Variants in TDRD9 observed in about 807,000 individuals in gnomAD.
TDRD9 encodes ATP-dependent RNA helicase TDRD9.
A neutral mutation model predicts 172.6 loss-of-function variants in TDRD9; 124 were observed. That is an observed-to-expected ratio of 0.72 (90% CI 0.62 to 0.83). The LOEUF is 0.83. TDRD9 is among the 40% of genes least tolerant of loss of function. The pLI is 0.00. For synonymous variants in TDRD9, 619 were observed against 617.1 expected (o/e 1.00, Z -0.05); for missense variants, 1,479 against 1,714.1 (o/e 0.86, Z 2.42).
chr14:103,952,896 C>T (rs1321030741), intron 1 of TDRD9, among the ~76,000 whole-genome samples: 3 of 151,778 alleles, frequency 2.0e-5, no homozygotes, highest in Admixed American at 1.3e-4. Context: ...CTCGCCACCA[C>T]GTTGGGCTAA....
intron 7 of TDRD9, among the ~76,000 whole-genome samples, chr14:103,982,288 C>T (rs1008098590): frequency 2.6e-5 from 4 of 152,182 alleles, no homozygotes; most frequent in African/African-American, 9.7e-5. Flanking sequence ...CCAGCCGTTG[C>T]TGGCCTGTGG....
chr14:104,002,151 C>A (rs1343376579), intron 13 of TDRD9, among the ~76,000 whole-genome samples: 1 of 151,298 alleles, frequency 6.6e-6, no homozygotes, highest in Non-Finnish European at 1.5e-5. Flanking sequence ...AAAACCCTAT[C>A]TCTATAAAAA....
rs143316420 is a variant in TDRD9 at position 103,935,698 on chromosome 14, T to C, written c.215+6974T>C. Reference sequence around the variant, plus strand: ...CCCACCTGGGGTGCTTCAGTGTTTATAGGTGGATGAGTTGCAGTGAGAAAA... The same window carrying C: ...CCCACCTGGGGTGCTTCAGTGTTTACAGGTGGATGAGTTGCAGTGAGAAAA... On this transcript the variant is annotated intron_variant, in intron 1 of 35. Transcript: ENST00000409874. Among the ~76,000 whole-genome samples, 255 of 152,172 alleles carry C rather than the reference T, an allele frequency of 1.7e-3. 2 individuals are homozygous for C. The highest frequency in any genetic ancestry group is 6.0e-3 in the African/African-American group (249 of 41,480).
intron 34 of TDRD9, among the ~76,000 whole-genome samples, chr14:104,048,812 A>G (rs1035087713): frequency 3.3e-5 from 5 of 152,228 alleles, no homozygotes; most frequent in Non-Finnish European, 7.4e-5. Flanking sequence ...GGCTTTCCCC[A>G]TCTGTTTCCT....
chr14:103,952,007 A>G (rs2031899401), intron 1 of TDRD9, among the ~76,000 whole-genome samples: 2 of 150,032 alleles, frequency 1.3e-5, no homozygotes, highest in African/African-American at 2.4e-5. Flanking sequence ...TGACCTTGTG[A>G]TCCGCCCGCC....
At chr14:104,010,505 TCTC>T (rs2034579787) in intron 20 of TDRD9, among the ~76,000 whole-genome samples, 2 of 151,880 alleles carry the variant, frequency 1.3e-5, no homozygotes, top group African/African-American at 4.8e-5. Context: ...AATAGTGCCT[TCTC>T]CTGGATACCT....
At chr14:104,006,252 T>G in intron 15 of TDRD9, 137 bp from the exon 16 acceptor site, 1 of 684,858 alleles carries the variant, frequency 1.5e-6, no homozygotes, top group Admixed American at 3.1e-5. Flanking sequence ...TGGTAACATA[T>G]CAACCTTTCA....
At chr14:104,033,542 G>T (rs2035349714) in intron 30 of TDRD9, among the ~76,000 whole-genome samples, 1 of 152,208 alleles carries the variant, frequency 6.6e-6, no homozygotes, top group South Asian at 2.1e-4. Context: ...TGCTGGGGCT[G>T]CAGCAGGCTT....
intron 2 of TDRD9, among the ~76,000 whole-genome samples, chr14:103,961,702 G>A (rs1254050517): frequency 6.6e-6 from 1 of 152,102 alleles, no homozygotes; most frequent in Non-Finnish European, 1.5e-5. Context: ...AAGTATGACA[G>A]ATCTGGTTCC....
intron 11 of TDRD9, 54 bp from the exon 12 acceptor site, chr14:103,995,696 A>G: frequency 6.8e-7 from 1 of 1,479,340 alleles, no homozygotes; most frequent in Non-Finnish European, 9.1e-7. Context: ...AACTTTGCCT[A>G]ATGATGTTCG....
At chr14:103,982,913 C>T (rs1329166443) in intron 7 of TDRD9, among the ~76,000 whole-genome samples, 1 of 151,958 alleles carries the variant, frequency 6.6e-6, no homozygotes, top group African/African-American at 2.4e-5. Context: ...AAAAACAAAA[C>T]AAAACAAAAT....
At chr14:103,967,964 T>C (rs4906392) in intron 5 of TDRD9, among the ~76,000 whole-genome samples, 58,382 of 152,048 alleles carry the variant, frequency 0.38, 11,414 homozygotes, top group African/African-American at 0.43. Flanking sequence ...AGTTCAGTGC[T>C]CAGGCCACAA....
At position 104,026,290 on chromosome 14, in the gene TDRD9, T is replaced by C. The variant is rs1419034078; in HGVS notation, c.3021+154T>C. On this transcript the variant is annotated intron_variant, in intron 27 of 35. Coordinates refer to ENST00000409874, the MANE Select transcript of TDRD9 (RefSeq NM_153046.3). ...CTTGCTTTGTCACAATAGCCAAATT[T>C]GGTTTCTGCTCTTCCAAAAATACAT... Among the ~76,000 whole-genome samples the C allele has an allele frequency of 3.9e-5, 6 of 152,282 alleles. No homozygotes were observed. The East Asian group carries it at 1.2e-3, about 29-fold the overall frequency.
chr14:103,944,873 C>G (rs2031475579), intron 1 of TDRD9, among the ~76,000 whole-genome samples: 1 of 152,102 alleles, frequency 6.6e-6, no homozygotes, highest in Non-Finnish European at 1.5e-5. Context: ...CTTCTTTTCC[C>G]TTTTTCCTAA....
At chr14:103,937,104 G>A (rs1346791203) in intron 1 of TDRD9, among the ~76,000 whole-genome samples, 1 of 152,132 alleles carries the variant, frequency 6.6e-6, no homozygotes, top group East Asian at 1.9e-4. Flanking sequence ...AACAATTGTT[G>A]AATGAACAAA....
Position 103,997,146 on chromosome 14 carries a change from G to T in TDRD9, c.1378+1339G>T, listed in dbSNP as rs1209113471. ...GTTGGTAGGTTTTGAAAACAGAAAT[G>T]ACATAACCTGAAGTTCACTTAACAG... On this transcript the variant is annotated intron_variant, in intron 12 of 35. Coordinates refer to ENST00000409874, the MANE Select transcript of TDRD9 (RefSeq NM_153046.3). This position sits in a 1 kb window ranked among gnomAD's most constrained non-coding sequence, Gnocchi z 5.1. Among the ~76,000 whole-genome samples, 1 of 152,220 alleles carries T rather than the reference G, an allele frequency of 6.6e-6. No homozygotes were observed. The highest frequency in any genetic ancestry group is 1.5e-5 in the Non-Finnish European group (1 of 68,048).
At chr14:104,029,760 G>T (rs2035226216) in intron 28 of TDRD9, among the ~76,000 whole-genome samples, 1 of 152,100 alleles carries the variant, frequency 6.6e-6, no homozygotes, top group Non-Finnish European at 1.5e-5. Flanking sequence ...CTTGTTCTTA[G>T]AGGAAAAGAT....
intron 34 of TDRD9, among the ~76,000 whole-genome samples, chr14:104,045,719 G>T (rs577398065): frequency 7.2e-5 from 11 of 152,282 alleles, no homozygotes; most frequent in African/African-American, 2.2e-4. Context: ...GTGAGAGAGG[G>T]TTAGTTATCA....
intron 1 of TDRD9, among the ~76,000 whole-genome samples, chr14:103,950,389 C>G (rs762946983): frequency 1.9e-4 from 29 of 152,326 alleles, no homozygotes; most frequent in Middle Eastern, 3.4e-3. Flanking sequence ...CGCATACGGC[C>G]GGTTTCTATT....
Sources: allele counts gnomAD v4.1 joint callset (sites outside exome capture counted in the v4.1 genomes callset), GRCh38; gene constraint gnomAD v4.1.1; non-coding constraint Gnocchi (gnomAD v3.1); transcripts MANE v1.5; gene names NCBI Gene and HGNC (gene_info 2026-07-23, HGNC 2026-07-21).